The following PTPRA variants were observed in gnomAD, a reference collection of about 807,000 sequenced individuals.
PTPRA encodes receptor-type tyrosine-protein phosphatase alpha.
Under a neutral mutation model 104.8 loss-of-function variants are expected in PTPRA, and 25 were observed. The ratio of observed to expected loss-of-function variants is 0.24; its 90% confidence interval spans 0.17 to 0.33. The LOEUF (loss-of-function observed/expected upper bound fraction) is 0.33, where lower values mean the gene tolerates loss of function less well. Among genes scored for constraint, PTPRA ranks in the 10% least tolerant of loss-of-function variants. The probability of loss-of-function intolerance (pLI) is 1.00; values close to 1 mark genes in which losing one functional copy is unlikely to be tolerated. For missense variants in PTPRA, 765 were observed against 1,015.3 expected (o/e 0.75, Z 3.35); for synonymous variants, 323 against 368.9 (o/e 0.88, Z 1.43).
chr20:2,881,720 G>T (rs2090060284), intron 1 of PTPRA, among the ~76,000 whole-genome samples: 1 of 152,106 alleles, frequency 6.6e-6, no homozygotes, highest in African/African-American at 2.4e-5. Flanking sequence ...ACAAAATGGG[G>T]CCGGGTGCAG....
In PTPRA at chr20:2,950,582, G is replaced by C. The variant is rs2061320639; in HGVS notation, c.-7+2558G>C. On this transcript the variant is annotated intron_variant, in intron 3 of 23. Transcript: ENST00000399903. The surrounding 1 kb of genome is among the most constrained non-coding windows in gnomAD (Gnocchi z 4.0). ...GGCGTGAACCCAGGAGGCGGAGGTT[G>C]CAGTGAGCCGAGATCGCACCACTGC... 6.6e-6 allele frequency among the ~76,000 whole-genome samples: 1 copy of C among 151,704 alleles called. No homozygotes were observed. The highest frequency in any genetic ancestry group is 2.1e-4 in the South Asian group (1 of 4,812).
chr20:2,954,085 T>TTC (rs1458730303), intron 3 of PTPRA, among the ~76,000 whole-genome samples: 2 of 149,240 alleles, frequency 1.3e-5, no homozygotes, highest in African/African-American at 4.9e-5. Context: ...AACTTTTTTT[T>TTC]TTTTTTTTTT....
chr20:2,943,691 A>T (rs1162044452), intron 2 of PTPRA, among the ~76,000 whole-genome samples: 1 of 152,204 alleles, frequency 6.6e-6, no homozygotes, highest in South Asian at 2.1e-4. Context: ...CCAAATAAAG[A>T]CAGTAACAAA....
intron 2 of PTPRA, among the ~76,000 whole-genome samples, chr20:2,923,652 A>G (rs2060181213): frequency 6.6e-6 from 1 of 152,196 alleles, no homozygotes; most frequent in South Asian, 2.1e-4. Flanking sequence ...TACAAAAATT[A>G]GCCAGATGTG....
At chr20:2,952,289 T>G (rs553027814) in intron 3 of PTPRA, among the ~76,000 whole-genome samples, 98 of 152,308 alleles carry the variant, frequency 6.4e-4, no homozygotes, top group Non-Finnish European at 1.2e-3. Flanking sequence ...GTATTTTATG[T>G]TTTACTTTTT....
At chr20:3,007,147 A>G (rs534074173) in intron 10 of PTPRA, among the ~76,000 whole-genome samples, 197 bp from the exon 11 acceptor site, 3 of 152,242 alleles carry the variant, frequency 2.0e-5, no homozygotes, top group Admixed American at 2.0e-4. Context: ...TAATTTATTT[A>G]ACTAGTCCCC....
chr20:2,959,982 C>T (rs1044131762), intron 3 of PTPRA, among the ~76,000 whole-genome samples: 5 of 151,916 alleles, frequency 3.3e-5, no homozygotes, highest in African/African-American at 7.3e-5. Context: ...ATAGAGCATT[C>T]CTAAATACCA....
intron 3 of PTPRA, among the ~76,000 whole-genome samples, chr20:2,953,634 A>C: frequency 6.7e-6 from 1 of 149,256 alleles, no homozygotes. Flanking sequence ...TTGAGACAGA[A>C]TCTTGCTGTG....
chr20:2,939,212 G>A (rs2060815098), intron 2 of PTPRA, among the ~76,000 whole-genome samples: 1 of 152,168 alleles, frequency 6.6e-6, no homozygotes, highest in Non-Finnish European at 1.5e-5. Flanking sequence ...TTACACATGG[G>A]TTGCTCAGAG....
intron 1 of PTPRA, among the ~76,000 whole-genome samples, chr20:2,903,758 G>A (rs1466182126): frequency 2.0e-5 from 3 of 152,050 alleles, no homozygotes; most frequent in South Asian, 2.1e-4. Flanking sequence ...AGGTTTTTAC[G>A]GAACTTATTT....
chr20:2,986,872 T>A, intron 7 of PTPRA, 23 bp downstream of exon 7: 1 of 1,561,242 alleles, frequency 6.4e-7, no homozygotes, highest in Non-Finnish European at 8.8e-7. Flanking sequence ...ACACTTCACA[T>A]TCTCTTAGAT....
intron 1 of PTPRA, among the ~76,000 whole-genome samples, chr20:2,882,850 T>C (rs984701102): frequency 6.6e-6 from 1 of 152,182 alleles, no homozygotes; most frequent in Non-Finnish European, 1.5e-5. Context: ...TTAATTATCT[T>C]GTGGTAGAGT....
At chr20:2,992,209 T>C (rs2063204518) in intron 9 of PTPRA, among the ~76,000 whole-genome samples, 1 of 152,178 alleles carries the variant, frequency 6.6e-6, no homozygotes, top group African/African-American at 2.4e-5. Context: ...CTATGGCTAA[T>C]TGAATCTCAT....
chr20:2,901,521 G>T (rs892806558), intron 1 of PTPRA, among the ~76,000 whole-genome samples: 1 of 152,176 alleles, frequency 6.6e-6, no homozygotes, highest in Non-Finnish European at 1.5e-5. Flanking sequence ...AAACCTGGGA[G>T]ATTGTATTTA....
chr20:3,021,112 A>G (rs1182939629), intron 13 of PTPRA, among the ~76,000 whole-genome samples, 197 bp from the exon 14 acceptor site: 1 of 152,230 alleles, frequency 6.6e-6, no homozygotes, highest in African/African-American at 2.4e-5. Flanking sequence ...ACTGTGCTCA[A>G]TAGGATGGCG....
At chr20:2,900,370 A>T (rs749025813) in intron 1 of PTPRA, among the ~76,000 whole-genome samples, 37 of 151,868 alleles carry the variant, frequency 2.4e-4, no homozygotes, top group Non-Finnish European at 1.3e-4. Context: ...TATGTAGGCC[A>T]TTTTCTTGCC....
chr20:2,933,468 G>T (rs533792410), intron 2 of PTPRA, among the ~76,000 whole-genome samples: 4 of 146,710 alleles, frequency 2.7e-5, no homozygotes, highest in African/African-American at 1.0e-4. Context: ...GGTTGGTTGG[G>T]TTTTTTTTTT....
intron 20 of PTPRA, among the ~76,000 whole-genome samples, chr20:3,033,630 G>A (rs1006143393): frequency 5.9e-5 from 9 of 152,040 alleles, no homozygotes; most frequent in Non-Finnish European, 8.8e-5. Context: ...GGCCAGGTGC[G>A]GCAGCTCACG....
intron 1 of PTPRA, among the ~76,000 whole-genome samples, chr20:2,891,812 T>C (rs6138927): frequency 0.38 from 58,141 of 151,932 alleles, 11,834 homozygotes; most frequent in East Asian, 0.64. Flanking sequence ...CATATTTGCA[T>C]GTAACCTATG....
Sources: allele counts gnomAD v4.1 joint callset (sites outside exome capture counted in the v4.1 genomes callset), GRCh38; gene constraint gnomAD v4.1.1; non-coding constraint Gnocchi (gnomAD v3.1); transcripts MANE v1.5; gene names NCBI Gene and HGNC (gene_info 2026-07-23, HGNC 2026-07-21).